The following CLDN16 variants were observed in gnomAD, a reference collection of about 807,000 sequenced individuals.
CLDN16 encodes claudin 16, also known as claudin-16.
Under a neutral mutation model 24.6 loss-of-function variants are expected in CLDN16, and 13 were observed. That is an observed-to-expected ratio of 0.53 (90% confidence interval 0.34 to 0.84). The LOEUF is 0.84. Ranked by LOEUF, CLDN16 falls within the 40% of genes least tolerant of loss-of-function variation. The pLI, the probability that CLDN16 is intolerant of heterozygous loss-of-function variation, is 0.01. For synonymous variants in CLDN16, 116 were observed against 106.7 expected (o/e 1.09, Z -0.54); for missense variants, 298 against 292.7 (o/e 1.02, Z -0.13).
intron 1 of CLDN16, among the ~76,000 whole-genome samples, chr3:190,330,651 G>T: frequency 6.6e-6 from 1 of 152,120 alleles, no homozygotes. Context: ...GTAATAACTG[G>T]TATAGGAGGA....
chr3:190,312,703 C>A, the CLDN16 span, among the ~76,000 whole-genome samples: 3 of 152,198 alleles, frequency 2.0e-5, no homozygotes, highest in African/African-American at 7.2e-5. Context: ...AGAGCTCTCA[C>A]ATTTTCATTT....
chr3:190,362,770 A>G, intron 1 of CLDN16, among the ~76,000 whole-genome samples: 1 of 152,026 alleles, frequency 6.6e-6, no homozygotes, highest in African/African-American at 2.4e-5. Flanking sequence ...GACTGCAGAT[A>G]ACTGAAACCT....
intron 1 of CLDN16, among the ~76,000 whole-genome samples, chr3:190,359,972 A>G (rs1051206168): frequency 1.3e-5 from 2 of 151,842 alleles, no homozygotes; most frequent in African/African-American, 4.8e-5. Context: ...CCAAGATGAC[A>G]CTCTGGCTAG....
At chr3:190,322,275 A>C, upstream of CLDN16, 1 of 1,395,800 alleles carries the variant, frequency 7.2e-7, no homozygotes, top group Non-Finnish European at 1.0e-6. Context: ...GCAGGTGGGC[A>C]ACCCGGACTC....
At chr3:190,320,073 T>TGG (rs3836453), upstream of CLDN16, among the ~76,000 whole-genome samples, 110 of 151,942 alleles carry the variant, frequency 7.2e-4, no homozygotes, top group East Asian at 4.5e-3. Flanking sequence ...AAAGTGTGTG[T>TGG]GGGGGGGTAG....
chr3:190,372,000 A>G (rs1004302161), intron 2 of CLDN16, among the ~76,000 whole-genome samples: 1 of 151,824 alleles, frequency 6.6e-6, no homozygotes, highest in African/African-American at 2.4e-5. Context: ...GCCCTCACAT[A>G]TAAGGGTGTC....
chr3:190,361,986 A>G lies in CLDN16; in HGVS notation n.122-8907A>G, dbSNP rs113118332. Among the ~76,000 whole-genome samples, 399 of 147,684 alleles carry G rather than the reference A, an allele frequency of 2.7e-3. 3 individuals carry two copies. The highest frequency in any genetic ancestry group is 0.01 in the African/African-American group (388 of 38,204). The stretch of plus-strand genomic sequence containing the variant: ...GGGCTACCAGGGATTAGTGCCCTAT[A>G]CAAATGGCACACCTGGTCTAACCAG... On this transcript the variant is annotated intron_variant and non_coding_transcript_variant, in intron 1 of 4. Coordinates refer to the CLDN16 transcript ENST00000468220.
At chr3:190,349,210 G>A (rs1717620385) in intron 1 of CLDN16, among the ~76,000 whole-genome samples, 1 of 152,148 alleles carries the variant, frequency 6.6e-6, no homozygotes, top group South Asian at 2.1e-4. Context: ...CTGGTGGGAG[G>A]CGATTGGATC....
At chr3:190,324,008 T>C (rs1011591906) in intron 1 of CLDN16, among the ~76,000 whole-genome samples, 41 of 152,054 alleles carry the variant, frequency 2.7e-4, no homozygotes, top group African/African-American at 9.6e-4. Flanking sequence ...GTTCTGTGGG[T>C]GCCTGTCAGT....
chr3:190,323,233 A>G (rs1716982881), intron 1 of CLDN16, among the ~76,000 whole-genome samples: 1 of 152,180 alleles, frequency 6.6e-6, no homozygotes, highest in Non-Finnish European at 1.5e-5. Context: ...TAGAGCAGCA[A>G]TTCATTATCA....
the CLDN16 span, chr3:190,306,146 G>A: frequency 6.6e-6 from 1 of 152,188 alleles, no homozygotes; most frequent in Non-Finnish European, 1.5e-5. Context: ...AGCTCTGAGG[G>A]CATCACTGAA....
the CLDN16 span, among the ~76,000 whole-genome samples, chr3:190,301,783 G>A: frequency 6.6e-6 from 1 of 152,092 alleles, no homozygotes; most frequent in Non-Finnish European, 1.5e-5. Flanking sequence ...TCATCAAGCC[G>A]TCTCTTGCCT....
At chr3:190,301,075 C>T in the CLDN16 span, among the ~76,000 whole-genome samples, 2 of 152,182 alleles carry the variant, frequency 1.3e-5, no homozygotes. Context: ...TGACTCAATC[C>T]TGTGAAACTG....
At chr3:190,328,687 A>AC (rs1553802351) in intron 1 of CLDN16, among the ~76,000 whole-genome samples, 2 of 151,886 alleles carry the variant, frequency 1.3e-5, no homozygotes, top group Admixed American at 6.6e-5. Context: ...AAAAAAAAAA[A>AC]CAAGATTTTA....
intron 1 of CLDN16, among the ~76,000 whole-genome samples, chr3:190,336,938 G>C (rs1156468390): frequency 1.3e-5 from 2 of 152,210 alleles, no homozygotes; most frequent in African/African-American, 4.8e-5. Flanking sequence ...TAAGCTGGAT[G>C]AACAAATATT....
At position 190,363,554 on chromosome 3, in the gene CLDN16, G is replaced by GCACA. The variant is rs10663299; in HGVS notation, n.122-7339_122-7338insCACA. On this transcript the variant is annotated intron_variant and non_coding_transcript_variant, in intron 1 of 4. Transcript: ENST00000468220. ...CCAGTTGCTGTGCGTGTGTGTGTGTGTGTATATATATATATATATATATAT... is the reference window on the plus strand; with the variant it reads ...CCAGTTGCTGTGCGTGTGTGTGTGTGCACATGTATATATATATATATATATATAT... Among the ~76,000 whole-genome samples, 138 of 81,350 alleles carry GCACA rather than the reference G, an allele frequency of 1.7e-3. 7 individuals are homozygous for GCACA. The East Asian group carries it at 0.033, about 19-fold the overall frequency. The allele number at this position is 81,350 out of a possible 152,430, so 53.4% of individuals were successfully genotyped here.
chr3:190,328,142 TG>T (rs1717109022), intron 1 of CLDN16, among the ~76,000 whole-genome samples: 1 of 150,100 alleles, frequency 6.7e-6, no homozygotes, highest in African/African-American at 2.4e-5. Context: ...TAGCTAGACA[TG>T]GGTGGCATGC....
At chr3:190,329,238 G>C (rs1717132882) in intron 1 of CLDN16, among the ~76,000 whole-genome samples, 1 of 152,160 alleles carries the variant, frequency 6.6e-6, no homozygotes, top group African/African-American at 2.4e-5. Context: ...ATTGCAGATA[G>C]AGAGATGAGT....
upstream of CLDN16, chr3:190,387,735 C>T (rs1044283761): frequency 1.1e-4 from 31 of 281,578 alleles, no homozygotes; most frequent in Non-Finnish European, 1.6e-4. Context: ...GGCTGTTCTA[C>T]GCAACACTTT....
Sources: allele counts gnomAD v4.1 joint callset (sites outside exome capture counted in the v4.1 genomes callset), GRCh38; gene constraint gnomAD v4.1.1; transcripts MANE v1.5; gene names NCBI Gene and HGNC (gene_info 2026-07-23, HGNC 2026-07-21).